The following CCDC13 variants were observed in gnomAD, a reference collection of about 807,000 sequenced individuals.
CCDC13 encodes the protein coiled-coil domain containing 13.
In CCDC13, 70 loss-of-function variants were observed where a neutral mutation model predicts 87.3. That is an observed-to-expected ratio of 0.80 (90% CI 0.66 to 0.98). The LOEUF (loss-of-function observed/expected upper bound fraction) is 0.98. Ranked by LOEUF, CCDC13 falls within the 50% of genes least tolerant of loss-of-function variation. The probability of loss-of-function intolerance (pLI) is 0.00; values close to 1 mark genes in which losing one functional copy is unlikely to be tolerated. For synonymous variants in CCDC13, 317 were observed against 360.3 expected (o/e 0.88, Z 1.36); for missense variants, 842 against 892.0 (o/e 0.94, Z 0.71).
intron 15 of CCDC13, 106 bp downstream of exon 15, chr3:42,709,578 G>C (rs1698254072): frequency 1.1e-6 from 1 of 908,264 alleles, no homozygotes; most frequent in South Asian, 1.5e-5. Context: ...AAGCCTTCTG[G>C]GCAAATGAGT....
At chr3:42,758,396 G>A (rs751884339) in intron 1 of CCDC13, 45 bp from the exon 2 acceptor site, 13 of 1,582,860 alleles carry the variant, frequency 8.2e-6, no homozygotes, top group Middle Eastern at 2.3e-4. Context: ...ACTCCACACC[G>A]AGCGCTCAGC....
rs1289169358 is a variant in CCDC13 at position 42,713,286 on chromosome 3, C to T, written c.1749G>A (p.Glu583=). Residue 583 remains glutamate, a synonymous_variant, in exon 14 of 16, where the codon GAG becomes GAA. Coordinates refer to ENST00000310232, the MANE Select transcript of CCDC13 (RefSeq NM_144719.4). ...RVEESNSKLL[E]SERKLQEERH... ...GCTCCTCCTGCAGCTTCCTCTCTGA[C>T]TCCAGGAGCTTGCTGTTGCTCTCCT... 6.2e-7 allele frequency: 1 copy of T among 1,614,122 alleles called. No individual in the cohort carries two copies. The highest frequency in any genetic ancestry group is 2.2e-5 in the East Asian group (1 of 44,884).
intron 13 of CCDC13, among the ~76,000 whole-genome samples, chr3:42,721,893 C>T (rs1002495116): frequency 1.3e-5 from 2 of 152,152 alleles, no homozygotes; most frequent in Non-Finnish European, 2.9e-5. Context: ...AGAAGAAACA[C>T]GAGGGATGGG....
chr3:42,722,152 T>C lies in CCDC13; in HGVS notation c.1718+8315A>G, dbSNP rs147962960. 4.8e-3 allele frequency among the ~76,000 whole-genome samples: 726 copies of C among 152,330 alleles called. 5 individuals carry two copies. The highest frequency in any genetic ancestry group is 0.016 in the African/African-American group (681 of 41,566). ...TGAACACTTATTAATCTTCCAGATA[T>C]CACCTTTTGTTGGACTCAAGAGTTA... On this transcript the variant is annotated intron_variant, in intron 13 of 15. Transcript: ENST00000310232.
intron 1 of CCDC13, among the ~76,000 whole-genome samples, chr3:42,765,469 G>A (rs1314396315): frequency 6.6e-6 from 1 of 152,112 alleles, no homozygotes; most frequent in South Asian, 2.1e-4. Flanking sequence ...GCAATGGCAC[G>A]ATCTCGGCTC....
chr3:42,742,920 T>G lies in CCDC13; in HGVS notation c.963A>C (p.Glu321Asp). The change falls in exon 8 of 16, where the codon GAA becomes GAC. Residue 321 changes from glutamate (E) to aspartate (D), a missense_variant. Coordinates refer to ENST00000310232, the MANE Select transcript of CCDC13 (RefSeq NM_144719.4). ...EKNLLRIRSL[E>D]REKQEGLEKL... ...CCTCCAAGCCTTCCTGTTTTTCCCT[T>G]TCCAGGCTGCGGATCCTCAGCAGGT... The G allele has an allele frequency of 6.2e-7, 1 of 1,614,086 alleles. No homozygotes were observed. The highest frequency in any genetic ancestry group is 8.5e-7 in the Non-Finnish European group (1 of 1,179,962).
chr3:42,753,913 G>C lies in CCDC13; in HGVS notation c.371-1196C>G, dbSNP rs370118309. Among the ~76,000 whole-genome samples, 64 of 152,278 alleles carry C rather than the reference G, an allele frequency of 4.2e-4. No individual in the cohort carries two copies. The East Asian group carries it at 7.5e-3, about 18-fold the overall frequency. Reference sequence around the variant, plus strand: ...TGGAAGGTGGCTGGAGGATGTGAATGGGGAAGTTGTATGGTATGGGAGCTG... The same window carrying C: ...TGGAAGGTGGCTGGAGGATGTGAATCGGGAAGTTGTATGGTATGGGAGCTG... On this transcript the variant is annotated intron_variant, in intron 3 of 15. Transcript: ENST00000310232.
At chr3:42,716,922 TG>T (rs1698443762) in intron 13 of CCDC13, among the ~76,000 whole-genome samples, 1 of 152,234 alleles carries the variant, frequency 6.6e-6, no homozygotes, top group South Asian at 2.1e-4. Context: ...ACAATCCAAG[TG>T]TCCATCAACA....
intron 5 of CCDC13, among the ~76,000 whole-genome samples, chr3:42,750,358 C>T (rs959559934): frequency 1.5e-4 from 23 of 152,300 alleles, no homozygotes; most frequent in African/African-American, 4.8e-4. Context: ...CTTAGAGCAC[C>T]GGGGCCATCT....
intron 13 of CCDC13, chr3:42,719,016 G>A (rs1278547817): frequency 6.6e-6 from 1 of 152,150 alleles, no homozygotes; most frequent in Admixed American, 6.5e-5. Context: ...AGGAGGGTTA[G>A]AGTCCCTTCT....
rs1350766227 is a variant in CCDC13, at chr3:42,759,310, A to C, written c.-6-959T>G. ...AGTAACAGTGAGACCCTGTCTCCAAAAAAAAAAAAAACACAAATTTTATGT... is the reference window on the plus strand; with the variant it reads ...AGTAACAGTGAGACCCTGTCTCCAACAAAAAAAAAAACACAAATTTTATGT... On this transcript the variant is annotated intron_variant, in intron 1 of 15. Transcript: ENST00000310232. 3.1e-3 allele frequency among the ~76,000 whole-genome samples: 471 copies of C among 151,012 alleles called. 6 individuals carry two copies. Among genetic ancestry groups the C allele is most frequent in the African/African-American group, 0.011 (459 of 41,362 alleles).
At chr3:42,772,283 A>AGT (rs1700137961) in intron 1 of CCDC13, among the ~76,000 whole-genome samples, 6 of 34,200 alleles carry the variant, frequency 1.8e-4, no homozygotes, top group African/African-American at 3.3e-4. Context: ...AAAAAAAAAA[A>AGT]AAAAAAAGTA....
At chr3:42,730,056 C>A (rs1559643024) in intron 13 of CCDC13, among the ~76,000 whole-genome samples, 1 of 152,182 alleles carries the variant, frequency 6.6e-6, no homozygotes, top group East Asian at 1.9e-4. Context: ...GCTATCAGCA[C>A]CTCTCTTGTT....
At chr3:42,742,072 A>G (rs1448541028) in intron 8 of CCDC13, among the ~76,000 whole-genome samples, 1 of 152,092 alleles carries the variant, frequency 6.6e-6, no homozygotes, top group African/African-American at 2.4e-5. Flanking sequence ...ACCTTCTTTA[A>G]AGTGGCCCCT....
At chr3:42,749,754 G>A (rs895448780) in intron 5 of CCDC13, 3 of 396,948 alleles carry the variant, frequency 7.6e-6, no homozygotes, top group South Asian at 5.4e-5. Context: ...ACCCGAGGCT[G>A]TTTTCTTTGA....
Position 42,752,025 on chromosome 3 carries a change from G to A in CCDC13, c.514C>T (p.Leu172=). The A allele has an allele frequency of 6.2e-7, 1 of 1,604,686 alleles. No individual in the cohort carries two copies. Reference sequence around the variant, plus strand: ...GACAGCCTGGTCAGGGCTGTCTGCAGCTGAAAAAGCAAACCTCGTGCTTAA... The same window carrying A: ...GACAGCCTGGTCAGGGCTGTCTGCAACTGAAAAAGCAAACCTCGTGCTTAA... ...TNRIQELERE[L]QTALTRLSAK... Residue 172 remains leucine, a splice_region_variant and synonymous_variant, in exon 5 of 16, where the codon CTG becomes TTG. Coordinates refer to ENST00000310232, the MANE Select transcript of CCDC13 (RefSeq NM_144719.4).
chr3:42,746,079 C>A (rs780990846), intron 6 of CCDC13, 52 bp from the exon 7 acceptor site: 1 of 1,289,932 alleles, frequency 7.8e-7, no homozygotes, highest in Non-Finnish European at 1.1e-6. Context: ...CTCCACCAGA[C>A]CCTGATGCTG....
At chr3:42,741,724 G>A (rs985585957) in intron 8 of CCDC13, among the ~76,000 whole-genome samples, 9 of 152,018 alleles carry the variant, frequency 5.9e-5, no homozygotes, top group Non-Finnish European at 7.4e-5. Flanking sequence ...GCAACAGAGC[G>A]AGACTCTATC....
chr3:42,733,669 A>C (rs1698904509), intron 10 of CCDC13, 60 bp from the exon 11 acceptor site: 2 of 1,529,694 alleles, frequency 1.3e-6, no homozygotes, highest in Non-Finnish European at 1.8e-6. Flanking sequence ...TAGAGAAGGC[A>C]GGAGGGGATC....
Sources: gnomAD v4.1 joint callset for allele counts (sites outside exome capture counted in the v4.1 genomes callset) on GRCh38, gnomAD v4.1.1 for gene constraint, MANE v1.5 for transcripts, NCBI Gene and HGNC (gene_info 2026-07-23, HGNC 2026-07-21) for gene names.